USP10: variants seen among roughly 807,000 people sequenced by gnomAD.
The protein encoded by USP10 is ubiquitin carboxyl-terminal hydrolase 10.
In USP10, 22 loss-of-function variants were observed where a neutral mutation model predicts 84.5. The ratio of observed to expected loss-of-function variants is 0.26; its 90% CI spans 0.19 to 0.37. USP10 has a LOEUF of 0.37. Among genes scored for constraint, USP10 ranks in the 10% least tolerant of loss-of-function variants. USP10 has a pLI of 1.00. For missense variants in USP10, 1,019 were observed against 998.9 expected, an observed-to-expected ratio of 1.02 and a Z score of -0.27; for synonymous variants, 454 against 387.6, an observed-to-expected ratio of 1.17 and a Z score of -2.01.
At position 84,733,483 on chromosome 16, in the gene USP10, A is replaced by C. The variant is rs745447135; in HGVS notation, c.70A>C (p.Thr24Pro). ...TGATGAATTCAATCAATTCTTTGTG[A>C]CTCCTCGATCTTCAGTTGAGGTAAG... ...SPDEFNQFFV[T>P]PRSSVELPPY... The change falls in exon 2 of 14, where the codon ACT (threonine) becomes CCT (proline). Residue 24 changes from threonine to proline, a missense_variant. By Grantham distance (38) the Thr-to-Pro change is conservative (BLOSUM62 -1). Transcript: ENST00000219473. 1.9e-6 allele frequency: 3 copies of C among 1,609,010 alleles called. No individual in the cohort carries two copies. The highest frequency in any genetic ancestry group is 1.3e-5 in the African/African-American group (1 of 74,550).
chr16:84,700,209 T>C (rs1597247017), intron 1 of USP10, 98 bp downstream of exon 1: 1 of 966,720 alleles, frequency 1.0e-6, no homozygotes, highest in Non-Finnish European at 1.3e-6. Context: ...GGAGCGAGCG[T>C]GTGGGAGTGG....
intron 1 of USP10, chr16:84,704,933 A>T (rs1264351148): frequency 1.3e-6 from 2 of 1,532,618 alleles, no homozygotes; most frequent in Non-Finnish European, 1.7e-6. Flanking sequence ...TTTTGGGCTC[A>T]CATGAGAATT....
chr16:84,711,812 G>A (rs1350934041), intron 1 of USP10, among the ~76,000 whole-genome samples: 2 of 149,130 alleles, frequency 1.3e-5, no homozygotes, highest in African/African-American at 2.5e-5. Flanking sequence ...CTCTGCCTCC[G>A]GGGCTCAAGT....
rs1402092542 is a variant in USP10 at position 84,745,027 on chromosome 16, T to C, written c.546T>C (p.Asn182=). Residue 182 remains asparagine, a synonymous_variant, in exon 4 of 14, where the codon AAT becomes AAC. Coordinates refer to ENST00000219473, the MANE Select transcript of USP10 (RefSeq NM_005153.3). ...AAGCCCTGGTCAATGGCCATGCCAA[T>C]TCAGCAGTCCCGAACAGTGTCAGTG... The part of the protein sequence containing the change: ...STEALVNGHA[N]SAVPNSVSAE... 6.2e-6 allele frequency: 10 copies of C among 1,613,838 alleles called. No individual in the cohort carries two copies. Among genetic ancestry groups the C allele is most frequent in the Non-Finnish European group, 8.5e-6 (10 of 1,179,730 alleles).
At chr16:84,720,203 TG>T (rs1277437411) in intron 1 of USP10, among the ~76,000 whole-genome samples, 16 of 152,214 alleles carry the variant, frequency 1.1e-4, no homozygotes, top group African/African-American at 3.4e-4. Flanking sequence ...TCTTTTTTCA[TG>T]GATGTCCTTT....
chr16:84,701,390 G>A (rs1342356923), intron 1 of USP10, among the ~76,000 whole-genome samples: 6 of 151,008 alleles, frequency 4.0e-5, no homozygotes, highest in African/African-American at 1.5e-4. Flanking sequence ...GCCAAAAAAG[G>A]GATCAGTAGT....
chr16:84,769,068 G>C (rs1204010313), intron 11 of USP10, among the ~76,000 whole-genome samples: 2 of 152,170 alleles, frequency 1.3e-5, no homozygotes, highest in Non-Finnish European at 2.9e-5. Flanking sequence ...TATATCTTAG[G>C]TTGTGGCAGT....
chr16:84,738,324 T>C (rs1236207887), intron 2 of USP10, among the ~76,000 whole-genome samples: 1 of 152,198 alleles, frequency 6.6e-6, no homozygotes, highest in Admixed American at 6.5e-5. Flanking sequence ...ATAGAGTGAT[T>C]CAAAACACTT....
intron 4 of USP10, among the ~76,000 whole-genome samples, chr16:84,757,218 G>T (rs1215519769): frequency 6.6e-6 from 1 of 152,156 alleles, no homozygotes. Context: ...TCAAGGCCCA[G>T]TTCGGTATTC....
chr16:84,773,391 A>T (rs1165614408), intron 12 of USP10, among the ~76,000 whole-genome samples: 1 of 152,170 alleles, frequency 6.6e-6, no homozygotes, highest in Non-Finnish European at 1.5e-5. Context: ...CAGAGGAACA[A>T]ACCTGAACCG....
At chr16:84,723,262 A>T (rs540587525) in intron 1 of USP10, among the ~76,000 whole-genome samples, 2 of 152,240 alleles carry the variant, frequency 1.3e-5, no homozygotes, top group African/African-American at 4.8e-5. Context: ...CTTTAGGTCA[A>T]AATAGGTGTT....
intron 1 of USP10, among the ~76,000 whole-genome samples, chr16:84,711,506 C>G (rs1473972968): frequency 6.6e-6 from 1 of 152,204 alleles, no homozygotes; most frequent in Non-Finnish European, 1.5e-5. Context: ...AATTCCTGCT[C>G]TCTTTTGCTG....
At chr16:84,716,844 C>G (rs1907086550) in intron 1 of USP10, among the ~76,000 whole-genome samples, 2 of 152,182 alleles carry the variant, frequency 1.3e-5, no homozygotes, top group South Asian at 4.1e-4. Context: ...CTAAACTTAT[C>G]CCAGCATAAT....
intron 1 of USP10, among the ~76,000 whole-genome samples, chr16:84,720,608 G>A (rs1907664913): frequency 1.3e-5 from 1 of 77,070 alleles, no homozygotes; most frequent in Admixed American, 1.4e-4. Flanking sequence ...TTGAGATGGA[G>A]CCTCGCTGTG....
At chr16:84,723,679 A>G (rs1423459123) in intron 1 of USP10, among the ~76,000 whole-genome samples, 10 of 152,248 alleles carry the variant, frequency 6.6e-5, no homozygotes, top group Admixed American at 5.9e-4. Flanking sequence ...CTTCTGGCTA[A>G]ACAAAGATGG....
In USP10 at chr16:84,704,573, T is replaced by A. The variant is rs573629120; in HGVS notation, c.21+4462T>A. Reference sequence around the variant, plus strand: ...GTCTTTCTTTGACCATTTCTGTCAATACAGGCTGGATGAAGAATTAGTGTA... The same window carrying A: ...GTCTTTCTTTGACCATTTCTGTCAAAACAGGCTGGATGAAGAATTAGTGTA... On this transcript the variant is annotated intron_variant, in intron 1 of 13. Coordinates refer to ENST00000219473, the MANE Select transcript of USP10 (RefSeq NM_005153.3). Among the ~76,000 whole-genome samples, 8 of 152,342 alleles carry A rather than the reference T, an allele frequency of 5.3e-5. 1 individual carries two copies. Among genetic ancestry groups the A allele is most frequent in the African/African-American group, 1.9e-4 (8 of 41,574 alleles).
rs4553618 is a variant in USP10 at position 84,745,156 on chromosome 16, C to T, written c.675C>T (p.Asp225=). The change falls in exon 4 of 14, where the codon GAC becomes GAT. Residue 225 remains aspartate (D), a synonymous_variant. Transcript: ENST00000219473. ...STDSVSDIVP[D]SPFPGALGSD... ...ACTCTGTCAGTGACATTGTGCCTGACAGTCCTTTCCCCGGAGCACTCGGCA... is the reference window on the plus strand; with the variant it reads ...ACTCTGTCAGTGACATTGTGCCTGATAGTCCTTTCCCCGGAGCACTCGGCA... The T allele has an allele frequency of 0.22, 359,499 of 1,613,112 alleles. 42,969 individuals carry two copies. The highest frequency in any genetic ancestry group is 0.41 in the Admixed American group (24,418 of 59,902).
At chr16:84,707,818 C>T (rs905275371) in intron 1 of USP10, among the ~76,000 whole-genome samples, 1 of 152,070 alleles carries the variant, frequency 6.6e-6, no homozygotes, top group Non-Finnish European at 1.5e-5. Flanking sequence ...GTGACTCACG[C>T]CTGTAATCCC....
Position 84,764,193 on chromosome 16 carries a change from A to G in USP10, c.1762A>G (p.Lys588Glu). ...ATGGGAACAAGTGGGCCCCCGGAAC[A>G]AGACTTCCGTCACCCGCCAGGCGGA... Reference protein sequence around the residue: ...DEWEQVGPRNKTSVTRQADFV... With the variant: ...DEWEQVGPRNETSVTRQADFV... The change falls in exon 10 of 14, where the codon AAG (lysine) becomes GAG (glutamate). Residue 588 changes from lysine to glutamate, a missense_variant. Coordinates refer to ENST00000219473, the MANE Select transcript of USP10 (RefSeq NM_005153.3). 1.2e-6 allele frequency: 2 copies of G among 1,614,030 alleles called. No individual in the cohort carries two copies. Among genetic ancestry groups the G allele is most frequent in the Non-Finnish European group, 1.7e-6 (2 of 1,179,878 alleles).
Sources: allele counts gnomAD v4.1 joint callset (sites outside exome capture counted in the v4.1 genomes callset), GRCh38; gene constraint gnomAD v4.1.1; transcripts MANE v1.5; gene names NCBI Gene and HGNC (gene_info 2026-07-23, HGNC 2026-07-21).